Variants in PLPPR5 observed in about 807,000 individuals in gnomAD.
PLPPR5 encodes the protein phospholipid phosphatase related 5, also known as phospholipid phosphatase-related protein type 5.
Under a neutral mutation model 33.9 loss-of-function variants are expected in PLPPR5, and 16 were observed. That is an observed-to-expected ratio of 0.47 (90% confidence interval 0.32 to 0.72). The LOEUF is 0.72. PLPPR5 is among the 30% of genes least tolerant of loss of function. The pLI is 0.03. For synonymous variants in PLPPR5, 163 were observed against 150.3 expected (o/e 1.08, Z -0.62); for missense variants, 301 against 406.7 (o/e 0.74, Z 2.23).
At chr1:98,907,130 T>C (rs1016548708) in intron 5 of PLPPR5, among the ~76,000 whole-genome samples, 40 of 152,290 alleles carry the variant, frequency 2.6e-4, no homozygotes, top group African/African-American at 9.4e-4. Context: ...TCATTTCATA[T>C]GTTTTCTTTA....
chr1:99,004,626 G>A lies in PLPPR5; in HGVS notation c.46C>T (p.Gln16Ter). 1 of 1,613,030 alleles carries A rather than the reference G, an allele frequency of 6.2e-7. No homozygotes were observed. Among genetic ancestry groups the A allele is most frequent in the Non-Finnish European group, 8.5e-7 (1 of 1,179,748 alleles). Residue 16 changes from glutamine to a stop codon, truncating the protein, a stop_gained, in exon 1 of 6, where the codon CAG (glutamine) becomes TAG (stop). Coordinates refer to ENST00000263177, the MANE Select transcript of PLPPR5 (RefSeq NM_001037317.2). LOFTEE classifies it high-confidence loss of function. Reference sequence around the variant, plus strand: ...ACCGTCCCTGCCATGATCACCATCTGGAAATAGAGCATGCTGCTGGTGAGC... The same window carrying A: ...ACCGTCCCTGCCATGATCACCATCTAGAAATAGAGCATGCTGCTGGTGAGC... Reference protein sequence around the residue: ...AALTSSMLYFQMVIMAGTVML... With the variant: ...AALTSSMLYF
chr1:98,913,148 A>G (rs112465770), intron 5 of PLPPR5, among the ~76,000 whole-genome samples: 2,684 of 152,234 alleles, frequency 0.018, 84 homozygotes, highest in African/African-American at 0.061. Flanking sequence ...GTCATACAAG[A>G]GCCCTTCAGA....
rs535034009 is a variant in PLPPR5 at position 99,000,137 on chromosome 1, C to A, written c.237+4298G>T. 7.2e-4 allele frequency among the ~76,000 whole-genome samples: 109 copies of A among 152,256 alleles called. 1 individual carries two copies. The highest frequency in any genetic ancestry group is 2.5e-3 in the African/African-American group (105 of 41,570). On this transcript the variant is annotated intron_variant, in intron 1 of 5. Transcript: ENST00000263177. ...AAACCTGTATCTGTACAAGCAATGT[C>A]CAGTGCTCTGGCAAATGCTATACAG...
At chr1:98,906,901 G>A (rs958232273) in intron 5 of PLPPR5, among the ~76,000 whole-genome samples, 4 of 152,072 alleles carry the variant, frequency 2.6e-5, no homozygotes, top group Admixed American at 2.6e-4. Flanking sequence ...TGATTCATAT[G>A]TTAGGTTTCT....
chr1:98,934,756 G>T (rs983703780), intron 3 of PLPPR5, among the ~76,000 whole-genome samples: 18 of 152,084 alleles, frequency 1.2e-4, no homozygotes, highest in African/African-American at 4.1e-4. Flanking sequence ...TTTCCCTCAA[G>T]CAAAATGGAA....
At chr1:98,987,260 T>C (rs1652293465) in intron 1 of PLPPR5, among the ~76,000 whole-genome samples, 1 of 151,834 alleles carries the variant, frequency 6.6e-6, no homozygotes, top group Non-Finnish European at 1.5e-5. Flanking sequence ...ATAAGAGAGG[T>C]ATTAAAATAA....
chr1:98,939,811 T>C (rs1381456671), intron 3 of PLPPR5, among the ~76,000 whole-genome samples: 2 of 151,886 alleles, frequency 1.3e-5, no homozygotes, highest in African/African-American at 4.8e-5. Context: ...TCTGGCTGCT[T>C]AGGTTCTATC....
intron 1 of PLPPR5, among the ~76,000 whole-genome samples, chr1:98,986,135 T>C (rs989624885): frequency 2.0e-5 from 3 of 152,002 alleles, no homozygotes; most frequent in Non-Finnish European, 4.4e-5. Flanking sequence ...AATTAAGTAA[T>C]GGATATTTAT....
chr1:98,958,114 A>G (rs1651081579), intron 1 of PLPPR5, among the ~76,000 whole-genome samples: 1 of 152,240 alleles, frequency 6.6e-6, no homozygotes, highest in African/African-American at 2.4e-5. Context: ...TGGAGCTAAC[A>G]GTGTGTCTAC....
At chr1:98,954,814 G>A (rs1330581806) in intron 2 of PLPPR5, among the ~76,000 whole-genome samples, 2 of 152,028 alleles carry the variant, frequency 1.3e-5, no homozygotes, top group African/African-American at 4.8e-5. Context: ...AAAATCTCCT[G>A]GCCAAGCATG....
At chr1:98,925,852 C>A (rs534495116) in intron 3 of PLPPR5, among the ~76,000 whole-genome samples, 71 of 152,312 alleles carry the variant, frequency 4.7e-4, no homozygotes, top group African/African-American at 1.7e-3. Context: ...AGACAACATA[C>A]ACAATCCTTC....
chr1:98,906,327 G>T (rs889026634), intron 5 of PLPPR5, among the ~76,000 whole-genome samples: 2 of 150,936 alleles, frequency 1.3e-5, no homozygotes, highest in South Asian at 4.2e-4. Flanking sequence ...AACCCAAAAG[G>T]CTCAGTGGCT....
chr1:98,938,655 G>A (rs964071360), intron 3 of PLPPR5, among the ~76,000 whole-genome samples: 18 of 151,498 alleles, frequency 1.2e-4, no homozygotes, highest in African/African-American at 4.1e-4. Flanking sequence ...CAAACACATG[G>A]AATCAACTAT....
At chr1:98,959,634 T>C (rs1398421189) in intron 1 of PLPPR5, among the ~76,000 whole-genome samples, 1 of 152,182 alleles carries the variant, frequency 6.6e-6, no homozygotes, top group Admixed American at 6.5e-5. Context: ...CCAGTGCTCC[T>C]GATTCCGAGC....
intron 1 of PLPPR5, among the ~76,000 whole-genome samples, chr1:98,986,337 T>G (rs184835048): frequency 5.9e-5 from 9 of 152,010 alleles, no homozygotes. Flanking sequence ...TAAAATGTAC[T>G]AACATTCATA....
At chr1:98,919,761 C>A (rs1649478696) in intron 4 of PLPPR5, among the ~76,000 whole-genome samples, 1 of 152,142 alleles carries the variant, frequency 6.6e-6, no homozygotes, top group Non-Finnish European at 1.5e-5. Flanking sequence ...AATACATTTT[C>A]AAAACACAAA....
chr1:98,957,400 A>G lies in PLPPR5; in HGVS notation c.238-659T>C, dbSNP rs748944226. On this transcript the variant is annotated intron_variant, in intron 1 of 5. Transcript: ENST00000263177. ...AAAATAGACAACATTTTTGTTTCCT[A>G]AAAGTCTTAATTAAAAAAATAAAAT... 1.6e-4 allele frequency among the ~76,000 whole-genome samples: 24 copies of G among 151,828 alleles called. 1 individual carries two copies. Among genetic ancestry groups the G allele is most frequent in the Admixed American group, 1.1e-3 (17 of 15,262 alleles).
At chr1:98,933,582 T>C (rs1379988677) in intron 3 of PLPPR5, among the ~76,000 whole-genome samples, 2 of 151,772 alleles carry the variant, frequency 1.3e-5, no homozygotes, top group Non-Finnish European at 2.9e-5. Flanking sequence ...AAGAACCAAG[T>C]GCAGAGATGA....
chr1:98,946,511 T>C (rs1414567725), intron 3 of PLPPR5, among the ~76,000 whole-genome samples: 1 of 152,168 alleles, frequency 6.6e-6, no homozygotes, highest in African/African-American at 2.4e-5. Flanking sequence ...TTCTGATTGT[T>C]TCAGTGTTTC....
Sources: gnomAD v4.1 joint callset for allele counts (sites outside exome capture counted in the v4.1 genomes callset) on GRCh38, gnomAD v4.1.1 for gene constraint, MANE v1.5 for transcripts, NCBI Gene and HGNC (gene_info 2026-07-23, HGNC 2026-07-21) for gene names.